The following FRAS1 variants were observed in gnomAD, a reference collection of about 807,000 sequenced individuals.
FRAS1 encodes Fraser extracellular matrix complex subunit 1.
A neutral mutation model predicts 435.2 loss-of-function variants in FRAS1; 290 were observed. The observed-to-expected ratio is 0.67, with a 90% confidence interval of 0.61 to 0.73. The LOEUF (loss-of-function observed/expected upper bound fraction) is 0.73, where lower values mean the gene tolerates loss of function less well. Among genes scored for constraint, FRAS1 ranks in the 30% least tolerant of loss-of-function variants. The probability of loss-of-function intolerance (pLI) is 0.00; values close to 1 mark genes in which losing one functional copy is unlikely to be tolerated. For synonymous variants in FRAS1, 1,800 were observed against 1,851.0 expected, an observed-to-expected ratio of 0.97 and a Z score of 0.71; for missense variants, 4,860 against 5,001.5, an observed-to-expected ratio of 0.97 and a Z score of 0.85.
chr4:78,364,426 C>T (rs1731188664), intron 22 of FRAS1, among the ~76,000 whole-genome samples: 1 of 152,140 alleles, frequency 6.6e-6, no homozygotes, highest in Admixed American at 6.5e-5. Context: ...GTGGAGCTTG[C>T]TCTAGTATGC....
At chr4:78,346,060 T>C (rs1730594937) in intron 20 of FRAS1, among the ~76,000 whole-genome samples, 3 of 152,192 alleles carry the variant, frequency 2.0e-5, no homozygotes, top group African/African-American at 7.2e-5. Flanking sequence ...TTTTTGTGGG[T>C]GTATGTTGAA....
At position 78,282,845 on chromosome 4, in the gene FRAS1, C is replaced by A. The variant is rs191796861; in HGVS notation, c.1133C>A (p.Pro378His). The A allele has an allele frequency of 5.6e-5, 90 of 1,613,336 alleles. 2 individuals are homozygous for A. In the Admixed American group the frequency reaches 1.0e-3, roughly 18 times the overall value. Residue 378 changes from proline (P) to histidine (H), a missense_variant, in exon 12 of 74, where the codon CCT (proline) becomes CAT (histidine). By Grantham distance (77) the Pro-to-His change is moderately conservative. Transcript: ENST00000512123. ...IPEGEKWEDG[P>H]CKVCECRGAQ... is the part of the protein sequence containing the mutation. ...GAGGGAGAGAAGTGGGAAGATGGCC[C>A]TTGCAAGGTGTGTGAGTGCCGAGGG...
chr4:78,220,406 C>T (rs553959159), intron 2 of FRAS1, among the ~76,000 whole-genome samples: 2 of 152,336 alleles, frequency 1.3e-5, no homozygotes, highest in Admixed American at 6.5e-5. Flanking sequence ...TATTTACATA[C>T]TGTCTGTGGC....
intron 2 of FRAS1, among the ~76,000 whole-genome samples, chr4:78,077,630 C>T (rs1361915057): frequency 6.6e-6 from 1 of 151,878 alleles, no homozygotes; most frequent in Non-Finnish European, 1.5e-5. Flanking sequence ...TGTCTATCAT[C>T]CTACACTCTA....
chr4:78,333,082 C>G (rs1165985593), intron 18 of FRAS1, among the ~76,000 whole-genome samples, 190 bp from the exon 19 acceptor site: 2 of 152,134 alleles, frequency 1.3e-5, no homozygotes, highest in Non-Finnish European at 2.9e-5. Context: ...AATCTGAGTT[C>G]CACAAATGCT....
chr4:78,202,969 T>A (rs563193040), intron 2 of FRAS1, among the ~76,000 whole-genome samples: 9 of 152,310 alleles, frequency 5.9e-5, no homozygotes, highest in African/African-American at 2.2e-4. Flanking sequence ...CTGGGCTTTC[T>A]TATTTGTGGA....
At chr4:78,229,591 G>T (rs1319863097) in intron 2 of FRAS1, among the ~76,000 whole-genome samples, 1 of 152,194 alleles carries the variant, frequency 6.6e-6, no homozygotes, top group Non-Finnish European at 1.5e-5. Context: ...CACTGCCCTA[G>T]TGTGTCCTGC....
chr4:78,433,253 C>T lies in FRAS1; in HGVS notation c.5217+649C>T, dbSNP rs867110631. Among the ~76,000 whole-genome samples, 16 of 152,168 alleles carry T rather than the reference C, an allele frequency of 1.1e-4. No homozygotes were observed. The South Asian group carries it at 2.1e-3, about 20-fold the overall frequency. Reference sequence around the variant, plus strand: ...AACTCATCTTCTTCCTTTGATTCTACCTCAGGAGCTAAGGATAATGAGGAT... The same window carrying T: ...AACTCATCTTCTTCCTTTGATTCTATCTCAGGAGCTAAGGATAATGAGGAT... On this transcript the variant is annotated intron_variant, in intron 38 of 73. Coordinates refer to ENST00000512123, the MANE Select transcript of FRAS1 (RefSeq NM_025074.7).
chr4:78,445,462 C>T, intron 41 of FRAS1, 60 bp from the exon 42 acceptor site: 1 of 1,437,274 alleles, frequency 7.0e-7, no homozygotes. Context: ...TTTTCTAGTT[C>T]AGCCTAGTAA....
At chr4:78,530,464 G>A (rs1374477413) in intron 70 of FRAS1, among the ~76,000 whole-genome samples, 9 of 152,098 alleles carry the variant, frequency 5.9e-5, no homozygotes, top group Admixed American at 2.6e-4. Flanking sequence ...ATGTGGATGC[G>A]ATAGAACTAC....
chr4:78,271,564 G>A (rs1175971174), intron 9 of FRAS1, among the ~76,000 whole-genome samples: 2 of 152,102 alleles, frequency 1.3e-5, no homozygotes, highest in Admixed American at 1.3e-4. Context: ...AACATGCAGT[G>A]TTTATTTTTT....
intron 59 of FRAS1, among the ~76,000 whole-genome samples, chr4:78,489,625 C>A (rs962911623): frequency 6.6e-6 from 1 of 152,148 alleles, no homozygotes; most frequent in East Asian, 1.9e-4. Context: ...TCTATTCCTT[C>A]TTTGTCTCCC....
rs1720612770 is a variant in FRAS1 at position 78,499,508 on chromosome 4, C to CGAG, written c.9116-213_9116-212insGAG. Among the ~76,000 whole-genome samples, 4 of 152,310 alleles carry CGAG rather than the reference C, an allele frequency of 2.6e-5. No individual in the cohort carries two copies. The South Asian group carries it at 8.3e-4, about 32-fold the overall frequency. ...TGTTTTTAATAAGGAACATGTGAGA[C>CGAG]ACAACTCCTGCAGAATCACAAATAA... On this transcript the variant is annotated intron_variant, in intron 60 of 73. Coordinates refer to ENST00000512123, the MANE Select transcript of FRAS1 (RefSeq NM_025074.7).
chr4:78,238,677 C>T (rs539866827), intron 3 of FRAS1, among the ~76,000 whole-genome samples: 1 of 151,918 alleles, frequency 6.6e-6, no homozygotes, highest in Non-Finnish European at 1.5e-5. Context: ...GTAAATATTC[C>T]TAAAAAAATC....
chr4:78,115,670 G>T (rs889081069), intron 2 of FRAS1, among the ~76,000 whole-genome samples: 1 of 152,102 alleles, frequency 6.6e-6, no homozygotes, highest in Non-Finnish European at 1.5e-5. Context: ...GGGATAGGTG[G>T]TGATATCCAC....
chr4:78,530,234 G>A (rs2109901804), intron 70 of FRAS1, among the ~76,000 whole-genome samples: 1 of 152,080 alleles, frequency 6.6e-6, no homozygotes, highest in South Asian at 2.1e-4. Context: ...AGGAACGACG[G>A]TTTGAAACTG....
At chr4:78,067,701 T>TATA (rs1740113152) in intron 2 of FRAS1, among the ~76,000 whole-genome samples, 1 of 140,084 alleles carries the variant, frequency 7.1e-6, no homozygotes, top group South Asian at 2.3e-4. Flanking sequence ...TTATTATTAT[T>TATA]ATTATTATTA....
chr4:78,224,308 G>A (rs1724177770), intron 2 of FRAS1, among the ~76,000 whole-genome samples: 1 of 152,210 alleles, frequency 6.6e-6, no homozygotes, highest in Non-Finnish European at 1.5e-5. Context: ...CCAGTTGTGT[G>A]ATAACTGACC....
chr4:78,392,033 G>A (rs1732466227), intron 29 of FRAS1, among the ~76,000 whole-genome samples: 1 of 152,176 alleles, frequency 6.6e-6, no homozygotes, highest in African/African-American at 2.4e-5. Flanking sequence ...CTCATAAGGT[G>A]CATAATCAGA....
Sources: gnomAD v4.1 joint callset for allele counts (sites outside exome capture counted in the v4.1 genomes callset) on GRCh38, gnomAD v4.1.1 for gene constraint, MANE v1.5 for transcripts, NCBI Gene and HGNC (gene_info 2026-07-23, HGNC 2026-07-21) for gene names.